UGT1A5: variants seen among roughly 807,000 people sequenced by gnomAD.
UGT1A5 encodes the protein UDP glucuronosyltransferase family 1 member A5.
UGT1A5 carries 29 observed loss-of-function variants against 40.3 expected under a neutral mutation model. That is an observed-to-expected ratio of 0.72 (90% confidence interval 0.54 to 0.98). The LOEUF (loss-of-function observed/expected upper bound fraction) is 0.98. UGT1A5 is among the 50% of genes least tolerant of loss of function. UGT1A5 has a pLI of 0.00. For missense variants in UGT1A5, 678 were observed against 677.9 expected (o/e 1.00, Z 0.00); for synonymous variants, 257 against 262.5 (o/e 0.98, Z 0.20).
At chr2:233,718,714 A>C in intron 1 of UGT1A5, 1 of 1,607,990 alleles carries the variant, frequency 6.2e-7, no homozygotes, top group Non-Finnish European at 8.5e-7. Flanking sequence ...TTCCAATTAC[A>C]TGCTGATTTG....
intron 1 of UGT1A5, chr2:233,754,900 C>A (rs900398132): frequency 7.4e-7 from 1 of 1,352,224 alleles, no homozygotes; most frequent in African/African-American, 1.5e-5. Flanking sequence ...CTCTGACCCC[C>A]CAAAATATTC....
intron 1 of UGT1A5, among the ~76,000 whole-genome samples, chr2:233,736,610 A>G (rs2078784118): frequency 6.6e-6 from 1 of 152,034 alleles, no homozygotes; most frequent in Non-Finnish European, 1.5e-5. Context: ...TGGTTTTTAG[A>G]ATTTTCAGCT....
chr2:233,719,450 G>T, intron 1 of UGT1A5: 1 of 1,613,868 alleles, frequency 6.2e-7, no homozygotes, highest in Non-Finnish European at 8.5e-7. Flanking sequence ...TCCTGCAAAG[G>T]GTCAAGAACA....
rs886043066 is a variant in UGT1A5 at position 233,768,310 on chromosome 2, C to T, written c.1178C>T (p.Pro393Leu). 74 of 1,613,942 alleles carry T rather than the reference C, an allele frequency of 4.6e-5. No homozygotes were observed. Among genetic ancestry groups the T allele is most frequent in the Non-Finnish European group, 6.2e-5 (73 of 1,180,026 alleles). The change falls in exon 4 of 5, where the codon CCC becomes CTC. Residue 393 changes from proline to leucine, a missense_variant. Pro to Leu is a moderately conservative substitution (Grantham distance 98). Coordinates refer to ENST00000373414, the MANE Select transcript of UGT1A5 (RefSeq NM_019078.2). ...ICNGVPMVMM[P>L]LFGDQMDNAK... Reference sequence around the variant, plus strand: ...AATGGCGTTCCCATGGTGATGATGCCCTTGTTTGGTGATCAGATGGACAAT... The same window carrying T: ...AATGGCGTTCCCATGGTGATGATGCTCTTGTTTGGTGATCAGATGGACAAT...
At chr2:233,745,905 G>A (rs1693243700) in intron 1 of UGT1A5, among the ~76,000 whole-genome samples, 1 of 151,554 alleles carries the variant, frequency 6.6e-6, no homozygotes, top group Non-Finnish European at 1.5e-5. Context: ...TTTTCAGGGA[G>A]CAGCTGAGGC....
chr2:233,741,051 T>G (rs1437462730), intron 1 of UGT1A5, among the ~76,000 whole-genome samples: 1 of 151,772 alleles, frequency 6.6e-6, no homozygotes, highest in Non-Finnish European at 1.5e-5. Context: ...CTTGCCTAGG[T>G]AACAGCTACA....
intron 1 of UGT1A5, among the ~76,000 whole-genome samples, chr2:233,717,303 C>T (rs1470939533): frequency 6.6e-6 from 1 of 152,168 alleles, no homozygotes; most frequent in East Asian, 1.9e-4. Context: ...AGCTGAGAAT[C>T]CCTTTCTAGC....
At chr2:233,758,428 C>T (rs1696877541) in intron 1 of UGT1A5, among the ~76,000 whole-genome samples, 2 of 152,212 alleles carry the variant, frequency 1.3e-5, no homozygotes. Context: ...CAAATGAACT[C>T]ACACAGCATT....
chr2:233,727,191 G>T (rs764445830), intron 1 of UGT1A5, among the ~76,000 whole-genome samples: 1 of 152,118 alleles, frequency 6.6e-6, no homozygotes, highest in African/African-American at 2.4e-5. Flanking sequence ...CTTTGCTGGG[G>T]TGACCTCACT....
intron 1 of UGT1A5, chr2:233,718,953 C>T (rs369434904): frequency 1.1e-4 from 171 of 1,614,048 alleles, no homozygotes; most frequent in South Asian, 1.0e-3. Flanking sequence ...GCTCAGCATG[C>T]GGGAGGCCTT....
chr2:233,713,504 T>A lies in UGT1A5; in HGVS notation c.513T>A (p.Phe171Leu). 1 of 1,614,014 alleles carries A rather than the reference T, an allele frequency of 6.2e-7. No individual in the cohort carries two copies. Among genetic ancestry groups the A allele is most frequent in the Middle Eastern group, 1.7e-4 (1 of 6,056 alleles). The change falls in exon 1 of 5, where the codon TTT becomes TTA. Residue 171 changes from phenylalanine (F) to leucine (L), a missense_variant. Phe to Leu is a conservative substitution (Grantham distance 22). Transcript: ENST00000373414. The stretch of plus-strand genomic sequence containing the variant: ...AGTACCTGTCGATTCCTGCTGTGTT[T>A]TTCTTGAGGAACATTCCATGTGATT... The part of the protein sequence containing the change: ...LAKYLSIPAV[F>L]FLRNIPCDLD...
At chr2:233,766,896 A>G (rs1384164988) in intron 1 of UGT1A5, 138 bp from the exon 2 acceptor site, 7 of 1,480,032 alleles carry the variant, frequency 4.7e-6, no homozygotes, top group Non-Finnish European at 6.2e-6. Context: ...TTACATATTA[A>G]TAATTTTTTA....
At chr2:233,717,554 G>A (rs1310316217) in intron 1 of UGT1A5, among the ~76,000 whole-genome samples, 2 of 152,208 alleles carry the variant, frequency 1.3e-5, no homozygotes, top group Non-Finnish European at 2.9e-5. Context: ...CACCAGCAAT[G>A]GCAGACATGG....
chr2:233,732,680 C>G (rs899691828), intron 1 of UGT1A5, among the ~76,000 whole-genome samples: 5 of 151,938 alleles, frequency 3.3e-5, no homozygotes, highest in South Asian at 2.1e-4. Flanking sequence ...TGTTTTGGTA[C>G]CAGCACCCAT....
At chr2:233,770,790 G>GAT (rs1474818165) in intron 4 of UGT1A5, 3 of 152,110 alleles carry the variant, frequency 2.0e-5, no homozygotes, top group African/African-American at 7.2e-5. Context: ...TAACATTATA[G>GAT]ATATGTTTAA....
In UGT1A5 at chr2:233,760,233, CAT is replaced by C. The variant is rs3064744; in HGVS notation, c.868-6787_868-6786del. ...ACTTGGTGTATCGATTGGTTTTTGCCATATATATATATATAAGTAGGAGAGGG... is the reference window on the plus strand; with the variant it reads ...ACTTGGTGTATCGATTGGTTTTTGCCATATATATATATAAGTAGGAGAGGG... On this transcript the variant is annotated intron_variant, in intron 1 of 4. Coordinates refer to ENST00000373414, the MANE Select transcript of UGT1A5 (RefSeq NM_019078.2). 6.6e-3 allele frequency: 9,509 copies of C among 1,449,924 alleles called. 210 individuals carry two copies. The African/African-American group carries it at 0.077, about 12-fold the overall frequency. The allele number at this position is 1,449,924 out of a possible 1,614,324, so 89.8% of individuals were successfully genotyped here.
At chr2:233,768,083 C>T in intron 3 of UGT1A5, 137 bp from the exon 4 acceptor site, 1 of 1,591,312 alleles carries the variant, frequency 6.3e-7, no homozygotes, top group Non-Finnish European at 8.6e-7. Flanking sequence ...GGTATCTCAA[C>T]CCACATTTTC....
At chr2:233,757,197 C>T (rs941417782) in intron 1 of UGT1A5, among the ~76,000 whole-genome samples, 2 of 149,716 alleles carry the variant, frequency 1.3e-5, no homozygotes, top group Non-Finnish European at 3.0e-5. Flanking sequence ...TCTGAATTTT[C>T]TGTGCCCAGG....
intron 1 of UGT1A5, among the ~76,000 whole-genome samples, chr2:233,754,083 T>G (rs950704601): frequency 2.0e-5 from 3 of 152,238 alleles, no homozygotes; most frequent in Non-Finnish European, 4.4e-5. Flanking sequence ...TAACCTTTTA[T>G]CTAAATAATG....
Sources: gnomAD v4.1 joint callset for allele counts (sites outside exome capture counted in the v4.1 genomes callset) on GRCh38, gnomAD v4.1.1 for gene constraint, MANE v1.5 for transcripts, NCBI Gene and HGNC (gene_info 2026-07-23, HGNC 2026-07-21) for gene names.